RAB28: variants seen among roughly 807,000 people sequenced by gnomAD.
RAB28 encodes the protein RAB28, member RAS oncogene family, also known as ras-related protein Rab-28.
Under a neutral mutation model 31.7 loss-of-function variants are expected in RAB28, and 24 were observed. That is an observed-to-expected ratio of 0.76 (90% CI 0.55 to 1.06). The LOEUF (loss-of-function observed/expected upper bound fraction) is 1.06, where lower values mean the gene tolerates loss of function less well. RAB28 is among the 50% of genes least tolerant of loss of function. The pLI is 0.00. For missense variants in RAB28, 254 were observed against 258.5 expected (o/e 0.98, Z 0.12); for synonymous variants, 100 against 90.4 (o/e 1.11, Z -0.60).
At chr4:13,464,462 G>A (rs1029232352) in intron 3 of RAB28, among the ~76,000 whole-genome samples, 4 of 151,998 alleles carry the variant, frequency 2.6e-5, no homozygotes, top group African/African-American at 7.3e-5. Context: ...ACTAGTGAAG[G>A]TCACAGTCCC....
chr4:13,469,381 T>C (rs2108967835), intron 3 of RAB28, among the ~76,000 whole-genome samples: 1 of 152,098 alleles, frequency 6.6e-6, no homozygotes, highest in African/African-American at 2.4e-5. Context: ...TTCCTTCCAC[T>C]TCTCAATTTA....
At chr4:13,482,526 CAAAAGA>C in intron 1 of RAB28, among the ~76,000 whole-genome samples, 1 of 152,036 alleles carries the variant, frequency 6.6e-6, no homozygotes, top group African/African-American at 2.4e-5. Context: ...AGACGGCCTT[CAAAAGA>C]AAATCTAAAT....
intron 4 of RAB28, among the ~76,000 whole-genome samples, chr4:13,409,859 GCTATAA>G (rs759780240): frequency 1.2e-4 from 19 of 152,156 alleles, no homozygotes; most frequent in Non-Finnish European, 2.2e-4. Context: ...GTCCCTGCCT[GCTATAA>G]TTTGGCTTTG....
intron 4 of RAB28, among the ~76,000 whole-genome samples, chr4:13,431,935 G>T (rs1168459058): frequency 6.6e-6 from 1 of 152,032 alleles, no homozygotes; most frequent in Non-Finnish European, 1.5e-5. Flanking sequence ...TCTAGCAATG[G>T]ATCCTAACCA....
intron 6 of RAB28, among the ~76,000 whole-genome samples, chr4:13,374,694 C>A (rs565705459): frequency 6.6e-6 from 1 of 152,224 alleles, no homozygotes; most frequent in South Asian, 2.1e-4. Context: ...TAAAATCTCC[C>A]TTACATCCAT....
At chr4:13,384,857 T>C (rs1465677921) in intron 4 of RAB28, among the ~76,000 whole-genome samples, 1 of 152,152 alleles carries the variant, frequency 6.6e-6, no homozygotes, top group Admixed American at 6.5e-5. Flanking sequence ...GGTTCTGAAC[T>C]GGACTGAGAT....
intron 4 of RAB28, among the ~76,000 whole-genome samples, chr4:13,402,047 G>C (rs1459477167): frequency 1.3e-5 from 2 of 152,018 alleles, no homozygotes; most frequent in Admixed American, 6.6e-5. Flanking sequence ...TTAATATTTG[G>C]GAATATTACA....
At chr4:13,482,003 G>C (rs1716628347) in intron 1 of RAB28, among the ~76,000 whole-genome samples, 1 of 152,076 alleles carries the variant, frequency 6.6e-6, no homozygotes, top group Admixed American at 6.5e-5. Flanking sequence ...TAAGAATAAT[G>C]AAAGAAGGTT....
At chr4:13,441,293 T>C (rs148965956) in intron 4 of RAB28, among the ~76,000 whole-genome samples, 302 of 152,300 alleles carry the variant, frequency 2.0e-3, no homozygotes, top group Middle Eastern at 3.4e-3. Context: ...TATTCAATCA[T>C]ACACAAAGTT....
chr4:13,444,720 T>G (rs1027616466), intron 4 of RAB28, among the ~76,000 whole-genome samples: 1 of 152,260 alleles, frequency 6.6e-6, no homozygotes, highest in Admixed American at 6.5e-5. Flanking sequence ...TATTTAATTG[T>G]GGTTTTAATA....
intron 4 of RAB28, among the ~76,000 whole-genome samples, chr4:13,412,139 G>T (rs1023294729): frequency 6.6e-6 from 1 of 152,058 alleles, no homozygotes; most frequent in Non-Finnish European, 1.5e-5. Context: ...AACAAAAAGG[G>T]CTGACACATG....
chr4:13,443,063 GA>G (rs768993419), intron 4 of RAB28, among the ~76,000 whole-genome samples: 27 of 152,152 alleles, frequency 1.8e-4, no homozygotes, highest in Non-Finnish European at 3.8e-4. Flanking sequence ...TGAAAATTAA[GA>G]GATTAGCTAG....
At chr4:13,395,250 T>G (rs1347072063) in intron 4 of RAB28, among the ~76,000 whole-genome samples, 2 of 152,184 alleles carry the variant, frequency 1.3e-5, no homozygotes, top group Non-Finnish European at 2.9e-5. Flanking sequence ...TATTAATTAG[T>G]AACAATAAAT....
intron 4 of RAB28, among the ~76,000 whole-genome samples, chr4:13,434,304 G>C (rs556878453): frequency 1.3e-5 from 2 of 152,000 alleles, no homozygotes; most frequent in African/African-American, 4.8e-5. Flanking sequence ...ATGTGCCCCC[G>C]CCAAATATAA....
At chr4:13,420,029 A>G (rs1713032969) in intron 4 of RAB28, among the ~76,000 whole-genome samples, 2 of 152,210 alleles carry the variant, frequency 1.3e-5, no homozygotes, top group African/African-American at 4.8e-5. Context: ...TAAAGAAAAA[A>G]AGAGAGAAGA....
At chr4:13,369,415 A>T (rs753743358) in intron 6 of RAB28, among the ~76,000 whole-genome samples, 176 of 152,276 alleles carry the variant, frequency 1.2e-3, no homozygotes, top group South Asian at 3.9e-3. Context: ...TATGCTTAAT[A>T]TTCATCTCTA....
intron 3 of RAB28, among the ~76,000 whole-genome samples, chr4:13,472,295 G>A (rs188494041): frequency 1.6e-4 from 25 of 151,906 alleles, no homozygotes; most frequent in Admixed American, 1.2e-3. Flanking sequence ...TTACAGGCAT[G>A]AGCCACTGCG....
intron 5 of RAB28, among the ~76,000 whole-genome samples, chr4:13,378,204 G>C (rs1437614322): frequency 6.6e-6 from 1 of 152,214 alleles, no homozygotes; most frequent in African/African-American, 2.4e-5. Context: ...CAAGGGGACT[G>C]ACAGAGTAGT....
At chr4:13,400,226 T>C (rs1711669439) in intron 4 of RAB28, among the ~76,000 whole-genome samples, 1 of 152,174 alleles carries the variant, frequency 6.6e-6, no homozygotes, top group African/African-American at 2.4e-5. Context: ...GAATTCCCTA[T>C]TGTCTTTATA....
Sources: allele counts gnomAD v4.1 joint callset (sites outside exome capture counted in the v4.1 genomes callset), GRCh38; gene constraint gnomAD v4.1.1; transcripts MANE v1.5; gene names NCBI Gene and HGNC (gene_info 2026-07-23, HGNC 2026-07-21).